The following OPCML variants were observed in gnomAD, a reference collection of about 807,000 sequenced individuals.
OPCML encodes opioid-binding protein/cell adhesion molecule.
A neutral mutation model predicts 37.8 loss-of-function variants in OPCML; 13 were observed. The observed-to-expected ratio is 0.34, with a 90% CI of 0.22 to 0.55. The LOEUF (loss-of-function observed/expected upper bound fraction) is 0.55. Among genes scored for constraint, OPCML ranks in the 20% least tolerant of loss-of-function variants. The pLI is 0.91. For synonymous variants in OPCML, 176 were observed against 168.8 expected (o/e 1.04, Z -0.33); for missense variants, 341 against 435.6 (o/e 0.78, Z 1.93).
intron 2 of OPCML, among the ~76,000 whole-genome samples, chr11:132,843,092 C>CTTTTTT (rs56036372): frequency 8.1e-6 from 1 of 123,332 alleles, no homozygotes. Flanking sequence ...CTTTTTCTTT[C>CTTTTTT]TTTTTTTTTT....
chr11:132,561,096 C>G (rs1217387853), intron 3 of OPCML, among the ~76,000 whole-genome samples: 1 of 152,160 alleles, frequency 6.6e-6, no homozygotes, highest in East Asian at 1.9e-4. Flanking sequence ...TAGACTTCTC[C>G]TAACTTAATA....
intron 1 of OPCML, among the ~76,000 whole-genome samples, chr11:133,033,232 C>A (rs1185603735): frequency 6.6e-6 from 1 of 152,178 alleles, no homozygotes; most frequent in Non-Finnish European, 1.5e-5. Context: ...GCATTCTATT[C>A]ATTTATTCCT....
intron 2 of OPCML, among the ~76,000 whole-genome samples, chr11:132,783,952 A>C (rs987845372): frequency 6.6e-6 from 1 of 152,252 alleles, no homozygotes; most frequent in African/African-American, 2.4e-5. Context: ...AAGAATTTTT[A>C]AGTACAGGTT....
intron 1 of OPCML, among the ~76,000 whole-genome samples, chr11:133,447,627 C>T (rs1946498983): frequency 6.6e-6 from 1 of 152,188 alleles, no homozygotes; most frequent in South Asian, 2.1e-4. Context: ...CAGTATTTAA[C>T]TTTCTGTTCC....
chr11:132,905,008 A>C (rs923613871), intron 2 of OPCML, among the ~76,000 whole-genome samples: 24 of 152,292 alleles, frequency 1.6e-4, no homozygotes, highest in Admixed American at 1.2e-3. Context: ...GGATCCCTTA[A>C]GAACTTCAGC....
intron 1 of OPCML, among the ~76,000 whole-genome samples, chr11:133,509,137 A>G (rs1948101240): frequency 6.6e-6 from 1 of 152,132 alleles, no homozygotes; most frequent in African/African-American, 2.4e-5. Flanking sequence ...AACGTGTATC[A>G]TGGTGGTTTG....
At chr11:132,983,113 G>C in intron 1 of OPCML, among the ~76,000 whole-genome samples, 1 of 152,172 alleles carries the variant, frequency 6.6e-6, no homozygotes, top group Non-Finnish European at 1.5e-5. Context: ...CCACCACAGG[G>C]AAAACAGCCC....
chr11:132,736,436 A>G (rs1296202294), intron 2 of OPCML, among the ~76,000 whole-genome samples: 1 of 152,216 alleles, frequency 6.6e-6, no homozygotes, highest in Non-Finnish European at 1.5e-5. Context: ...GTTAAGGGAC[A>G]GAGGGTGAAC....
chr11:133,235,256 G>A (rs1182862046), intron 1 of OPCML, among the ~76,000 whole-genome samples: 1 of 152,128 alleles, frequency 6.6e-6, no homozygotes, highest in Admixed American at 6.5e-5. Context: ...ATTCCTGGAG[G>A]CAAGTAACCC....
At chr11:133,122,007 A>T (rs1036349515) in intron 1 of OPCML, among the ~76,000 whole-genome samples, 3 of 152,216 alleles carry the variant, frequency 2.0e-5, no homozygotes, top group Non-Finnish European at 4.4e-5. Context: ...ATATTGATGT[A>T]GGGCCTGGTC....
chr11:132,512,661 G>T (rs546454300), intron 4 of OPCML, among the ~76,000 whole-genome samples: 1 of 149,974 alleles, frequency 6.7e-6, no homozygotes, highest in Non-Finnish European at 1.5e-5. Flanking sequence ...GCAATATATA[G>T]TTCATATACA....
In OPCML at chr11:133,122,373, G is replaced by C. The variant is rs571998690; in HGVS notation, c.62-179363C>G. ...AGTGGTAGGGTAAAGTCTTCTCCAA[G>C]AAAAATGGGGTTTGCAGTGTCATCC... On this transcript the variant is annotated intron_variant, in intron 1 of 7. Transcript: ENST00000524381. Among the ~76,000 whole-genome samples the C allele has an allele frequency of 4.6e-5, 7 of 151,696 alleles. No homozygotes were observed. The South Asian group carries it at 1.5e-3, about 32-fold the overall frequency.
rs1447819487 is a variant in OPCML, at chr11:133,265,084, ACTTTCTGGAGG to A, written c.61+267169_61+267179del. On this transcript the variant is annotated intron_variant, in intron 1 of 7. Transcript: ENST00000524381. ...CAGTGAAATGGTGTGACACAGGGTA[ACTTTCTGGAGG>A]AGAGGGACATAGTCCAGTTCTGTGA... is the stretch of plus-strand genomic sequence containing the variant. Among the ~76,000 whole-genome samples, 3 of 152,230 alleles carry A rather than the reference ACTTTCTGGAGG, an allele frequency of 2.0e-5. No individual in the cohort carries two copies. In the South Asian group the frequency reaches 6.2e-4, roughly 32 times the overall value.
intron 2 of OPCML, among the ~76,000 whole-genome samples, chr11:132,927,986 G>A (rs994063722): frequency 6.6e-6 from 1 of 151,898 alleles, no homozygotes; most frequent in South Asian, 2.1e-4. Flanking sequence ...AAAATAGAAT[G>A]AGAATTAATC....
Position 132,483,984 on chromosome 11 carries a change from T to C in OPCML, c.505+45077A>G, listed in dbSNP as rs938065634. Among the ~76,000 whole-genome samples the C allele has an allele frequency of 4.7e-4, 72 of 152,252 alleles. 1 individual carries two copies. Among genetic ancestry groups the C allele is most frequent in the African/African-American group, 1.5e-3 (61 of 41,544 alleles). Reference sequence around the variant, plus strand: ...AAACCCTAAAAGAAAACCTAGGCTTTACCGTTCAGGACATAGGCATGGGCA... The same window carrying C: ...AAACCCTAAAAGAAAACCTAGGCTTCACCGTTCAGGACATAGGCATGGGCA... On this transcript the variant is annotated intron_variant, in intron 4 of 7. Transcript: ENST00000524381.
At chr11:132,908,982 C>T (rs569197736) in intron 2 of OPCML, among the ~76,000 whole-genome samples, 35 of 152,310 alleles carry the variant, frequency 2.3e-4, no homozygotes, top group African/African-American at 7.2e-4. Flanking sequence ...TGGCAAACCC[C>T]GGAAGAGCGT....
At chr11:132,582,533 A>AC (rs2096464247) in intron 3 of OPCML, among the ~76,000 whole-genome samples, 1 of 152,212 alleles carries the variant, frequency 6.6e-6, no homozygotes, top group Non-Finnish European at 1.5e-5. Flanking sequence ...AAGGCAGTCA[A>AC]TGATAACCTA....
intron 2 of OPCML, among the ~76,000 whole-genome samples, chr11:132,849,779 C>T (rs532549782): frequency 1.3e-5 from 2 of 152,298 alleles, no homozygotes; most frequent in East Asian, 1.9e-4. Context: ...GCAGAGTGGG[C>T]ATGGGGTCAG....
At chr11:132,536,553 C>T (rs1015325669) in intron 3 of OPCML, among the ~76,000 whole-genome samples, 1 of 151,892 alleles carries the variant, frequency 6.6e-6, no homozygotes, top group African/African-American at 2.4e-5. Context: ...CAGGGAATAA[C>T]AAAATATTAA....
Sources: allele counts gnomAD v4.1 joint callset (sites outside exome capture counted in the v4.1 genomes callset), GRCh38; gene constraint gnomAD v4.1.1; transcripts MANE v1.5; gene names NCBI Gene and HGNC (gene_info 2026-07-23, HGNC 2026-07-21).